Variants in PHF20 observed in about 807,000 individuals in gnomAD.
PHF20 encodes glioma-expressed antigen 2.
In PHF20, 23 loss-of-function variants were observed where a neutral mutation model predicts 113.5. That is an observed-to-expected ratio of 0.20 (90% CI 0.15 to 0.29). The LOEUF (loss-of-function observed/expected upper bound fraction) is 0.29. Among genes scored for constraint, PHF20 ranks in the 10% least tolerant of loss-of-function variants. The pLI is 1.00. For synonymous variants in PHF20, 434 were observed against 457.3 expected (o/e 0.95, Z 0.65); for missense variants, 943 against 1,219.6 (o/e 0.77, Z 3.38).
intron 1 of PHF20, among the ~76,000 whole-genome samples, chr20:35,781,237 G>C (rs996148185): frequency 2.0e-5 from 3 of 151,650 alleles, no homozygotes; most frequent in Non-Finnish European, 4.4e-5. Context: ...TCCTTCTCTG[G>C]GGTTCAAGTG....
At chr20:35,785,657 T>A (rs574362019) in intron 1 of PHF20, among the ~76,000 whole-genome samples, 2 of 152,064 alleles carry the variant, frequency 1.3e-5, no homozygotes, top group Non-Finnish European at 2.9e-5. Context: ...ATAAATATCT[T>A]AGGTATTTAA....
chr20:35,784,746 T>A (rs1962698954), intron 1 of PHF20, among the ~76,000 whole-genome samples: 1 of 152,184 alleles, frequency 6.6e-6, no homozygotes, highest in African/African-American at 2.4e-5. Flanking sequence ...CCCTTGTTTT[T>A]AAAAGCAATA....
chr20:35,941,748 G>A (rs921185036), intron 17 of PHF20, among the ~76,000 whole-genome samples: 11 of 152,142 alleles, frequency 7.2e-5, no homozygotes, highest in African/African-American at 1.4e-4. Context: ...ACTGTAACTG[G>A]GAATATAAAA....
At chr20:35,788,340 CCCT>C (rs2041467424) in intron 1 of PHF20, among the ~76,000 whole-genome samples, 1 of 152,004 alleles carries the variant, frequency 6.6e-6, no homozygotes, top group Non-Finnish European at 1.5e-5. Context: ...TCGTGATCCA[CCCT>C]CCTCGGCCTC....
chr20:35,851,903 C>G (rs569717195), intron 4 of PHF20, among the ~76,000 whole-genome samples: 1 of 149,904 alleles, frequency 6.7e-6, no homozygotes, highest in Non-Finnish European at 1.5e-5. Flanking sequence ...GGTGACAGAG[C>G]GAGACTCCGT....
intron 15 of PHF20, among the ~76,000 whole-genome samples, chr20:35,933,399 ATT>A (rs760196869): frequency 5.9e-5 from 7 of 118,648 alleles, no homozygotes; most frequent in Admixed American, 8.4e-5. Context: ...CACCTGGATA[ATT>A]TTTTTTTTTT....
chr20:35,910,733 A>G (rs566111459), intron 10 of PHF20, among the ~76,000 whole-genome samples: 1 of 151,802 alleles, frequency 6.6e-6, no homozygotes, highest in East Asian at 2.0e-4. Context: ...GGCTCAAGCG[A>G]TTCTCCTGCC....
At chr20:35,786,248 G>C (rs1253264555) in intron 1 of PHF20, among the ~76,000 whole-genome samples, 1 of 151,326 alleles carries the variant, frequency 6.6e-6, no homozygotes, top group Non-Finnish European at 1.5e-5. Flanking sequence ...AAAATTAGTT[G>C]GGTGTGGTGG....
intron 10 of PHF20, among the ~76,000 whole-genome samples, chr20:35,912,430 A>G (rs1239408467): frequency 1.3e-5 from 2 of 152,204 alleles, no homozygotes; most frequent in Non-Finnish European, 2.9e-5. Flanking sequence ...TTTGTTGTAG[A>G]GTAGAGAGGA....
At chr20:35,881,263 G>T (rs1223278115) in intron 9 of PHF20, among the ~76,000 whole-genome samples, 1 of 151,540 alleles carries the variant, frequency 6.6e-6, no homozygotes, top group Admixed American at 6.6e-5. Context: ...TCACCATGTT[G>T]GCCAGGCTAG....
Position 35,907,508 on chromosome 20 carries a change from C to T in PHF20, c.1562-5741C>T, listed in dbSNP as rs547500583. On this transcript the variant is annotated intron_variant, in intron 10 of 17. Coordinates refer to ENST00000374012, the MANE Select transcript of PHF20 (RefSeq NM_016436.5). ...GTCCAGAGAGAGAGTTGACAGCAGA[C>T]CAGCGACCAGCACTGCTTTCCAGGG... 3.9e-5 allele frequency among the ~76,000 whole-genome samples: 6 copies of T among 152,302 alleles called. No individual in the cohort carries two copies. The East Asian group carries it at 1.2e-3, about 29-fold the overall frequency.
chr20:35,925,728 C>A (rs1351322118), intron 13 of PHF20, among the ~76,000 whole-genome samples: 1 of 150,164 alleles, frequency 6.7e-6, no homozygotes, highest in Non-Finnish European at 1.5e-5. Context: ...GCAATACATG[C>A]TTATGGTTAT....
chr20:35,929,215 G>A (rs1219443788), intron 14 of PHF20, among the ~76,000 whole-genome samples: 3 of 152,224 alleles, frequency 2.0e-5, no homozygotes, highest in Non-Finnish European at 4.4e-5. Flanking sequence ...AAAGCAAATT[G>A]GAATTAGAAC....
At chr20:35,875,135 C>T (rs2054495064) in intron 9 of PHF20, among the ~76,000 whole-genome samples, 1 of 151,916 alleles carries the variant, frequency 6.6e-6, no homozygotes, top group Admixed American at 6.6e-5. Context: ...TGGTGGCTCA[C>T]GCCTGTAATC....
At chr20:35,793,451 C>G (rs577551048) in intron 1 of PHF20, among the ~76,000 whole-genome samples, 22 of 151,814 alleles carry the variant, frequency 1.4e-4, no homozygotes, top group Admixed American at 5.9e-4. Context: ...AGGTGCCCAC[C>G]ACTAAGCCTG....
chr20:35,773,625 C>T, intron 1 of PHF20, among the ~76,000 whole-genome samples: 1 of 152,160 alleles, frequency 6.6e-6, no homozygotes, highest in Non-Finnish European at 1.5e-5. Flanking sequence ...TTGGCTTGCC[C>T]AATCCCCAAA....
chr20:35,943,831 G>C (rs944797712), intron 17 of PHF20, among the ~76,000 whole-genome samples: 10 of 152,132 alleles, frequency 6.6e-5, no homozygotes, highest in Admixed American at 6.6e-4. Flanking sequence ...ATGTTGGCCA[G>C]GCTGGTCTCG....
intron 1 of PHF20, among the ~76,000 whole-genome samples, chr20:35,787,606 A>T (rs1487593288): frequency 6.9e-6 from 1 of 145,052 alleles, no homozygotes. Context: ...CTCCTGCCTC[A>T]GCCTCCCAAG....
intron 2 of PHF20, among the ~76,000 whole-genome samples, chr20:35,833,488 A>G (rs1057300544): frequency 6.6e-6 from 1 of 152,212 alleles, no homozygotes; most frequent in African/African-American, 2.4e-5. Flanking sequence ...CATCTACAAC[A>G]TGAATATCAC....
Sources: gnomAD v4.1 joint callset for allele counts (sites outside exome capture counted in the v4.1 genomes callset) on GRCh38, gnomAD v4.1.1 for gene constraint, MANE v1.5 for transcripts, NCBI Gene and HGNC (gene_info 2026-07-23, HGNC 2026-07-21) for gene names.